Variants in SPAG6 observed in about 807,000 individuals in gnomAD.
SPAG6 encodes sperm-associated antigen 6.
Under a neutral mutation model 58.5 loss-of-function variants are expected in SPAG6, and 49 were observed. The ratio of observed to expected loss-of-function variants is 0.84; its 90% CI spans 0.67 to 1.06. The LOEUF (loss-of-function observed/expected upper bound fraction) is 1.06, where lower values mean the gene tolerates loss of function less well. Among genes scored for constraint, SPAG6 ranks in the 50% least tolerant of loss-of-function variants. The probability of loss-of-function intolerance (pLI) is 0.00; values close to 1 mark genes in which losing one functional copy is unlikely to be tolerated. For missense variants in SPAG6, 560 were observed against 611.3 expected, an observed-to-expected ratio of 0.92 and a Z score of 0.89; for synonymous variants, 233 against 225.6, an observed-to-expected ratio of 1.03 and a Z score of -0.29.
intron 8 of SPAG6, among the ~76,000 whole-genome samples, chr10:22,394,148 T>C (rs1048940571): frequency 1.3e-5 from 2 of 152,242 alleles, no homozygotes; most frequent in Non-Finnish European, 2.9e-5. Context: ...CAAGTTCTTA[T>C]GAAATGTATG....
chr10:22,412,402 T>A (rs1455182748), intron 10 of SPAG6: 1 of 1,081,442 alleles, frequency 9.2e-7, no homozygotes, highest in Non-Finnish European at 1.3e-6. Flanking sequence ...CAAAAGCAAT[T>A]TTAAGATTAA....
At chr10:22,390,906 A>G (rs948653178) in intron 7 of SPAG6, among the ~76,000 whole-genome samples, 10 of 152,342 alleles carry the variant, frequency 6.6e-5, no homozygotes, top group South Asian at 4.1e-4. Flanking sequence ...TAGCATAACC[A>G]TGTGATCTTT....
In SPAG6 at chr10:22,391,747, G is replaced by T; in HGVS notation, c.1024G>T (p.Val342Phe). 7 of 1,613,384 alleles carry T rather than the reference G, an allele frequency of 4.3e-6. No homozygotes were observed. Among genetic ancestry groups the T allele is most frequent in the South Asian group, 1.1e-5 (1 of 91,068 alleles). ...GCTGCAGGGTGTACCCCAGTTGTCA[G>T]TCTGCTTGTCAGAAGAACCGGAAGA... is the stretch of plus-strand genomic sequence containing the variant. ...IISKGVPQLS[V>F]CLSEEPEDHI... Residue 342 changes from valine (V) to phenylalanine (F), a missense_variant, in exon 8 of 11, where the codon GTC (valine) becomes TTC (phenylalanine). Coordinates refer to ENST00000376624, the MANE Select transcript of SPAG6 (RefSeq NM_012443.4).
intron 8 of SPAG6, among the ~76,000 whole-genome samples, chr10:22,396,161 A>G (rs1834287912): frequency 6.6e-6 from 1 of 152,076 alleles, no homozygotes; most frequent in Non-Finnish European, 1.5e-5. Flanking sequence ...TCTCATGAGA[A>G]CTCTGATATA....
chr10:22,396,049 C>A (rs1184137574), intron 8 of SPAG6, among the ~76,000 whole-genome samples: 1 of 152,076 alleles, frequency 6.6e-6, no homozygotes, highest in Non-Finnish European at 1.5e-5. Context: ...ATGAAACTTA[C>A]AATCATGGCA....
At chr10:22,390,792 G>A (rs938310838) in intron 7 of SPAG6, among the ~76,000 whole-genome samples, 1 of 152,106 alleles carries the variant, frequency 6.6e-6, no homozygotes, top group African/African-American at 2.4e-5. Context: ...TAGGAAAGAA[G>A]CCAATGAAGA....
chr10:22,362,260 A>G (rs958084552), intron 2 of SPAG6, among the ~76,000 whole-genome samples: 1 of 149,424 alleles, frequency 6.7e-6, no homozygotes, highest in African/African-American at 2.4e-5. Flanking sequence ...CAAAATAAAA[A>G]GCCCAGAATA....
intron 2 of SPAG6, among the ~76,000 whole-genome samples, chr10:22,359,186 A>C (rs778809953): frequency 1.3e-5 from 2 of 152,206 alleles, no homozygotes; most frequent in Non-Finnish European, 2.9e-5. Context: ...TAATATTGAC[A>C]GTGAAAGGTG....
intron 9 of SPAG6, among the ~76,000 whole-genome samples, chr10:22,402,379 A>G (rs1834436981): frequency 6.6e-6 from 1 of 152,226 alleles, no homozygotes. Flanking sequence ...ATGTTTCTAC[A>G]AATAATGAAC....
intron 8 of SPAG6, among the ~76,000 whole-genome samples, chr10:22,395,888 T>A (rs1834281037): frequency 6.6e-6 from 1 of 152,208 alleles, no homozygotes; most frequent in Non-Finnish European, 1.5e-5. Flanking sequence ...AAAGAATTTT[T>A]AAAAATTTTT....
intron 10 of SPAG6, chr10:22,413,066 C>CAAAAAAAAAAAAAAAAAAAAAA (rs775680159): frequency 9.2e-5 from 4 of 43,312 alleles, no homozygotes; most frequent in African/African-American, 3.5e-4. Flanking sequence ...CAGAAAGATG[C>CAAAAAAAAAAAAAAAAAAAAAA]AAAAAAAAAA....
chr10:22,357,166 C>T (rs922617496), intron 2 of SPAG6, among the ~76,000 whole-genome samples: 5 of 152,104 alleles, frequency 3.3e-5, no homozygotes, highest in African/African-American at 1.2e-4. Context: ...GCAAAGTCTG[C>T]CTGAGAGCCT....
chr10:22,389,394 C>A, intron 7 of SPAG6, 82 bp downstream of exon 7: 1 of 1,399,338 alleles, frequency 7.1e-7, no homozygotes, highest in Non-Finnish European at 9.8e-7. Flanking sequence ...CAACAGAATA[C>A]AAAATATAAC....
chr10:22,352,271 C>A (rs1311914889), intron 2 of SPAG6, among the ~76,000 whole-genome samples: 1 of 151,782 alleles, frequency 6.6e-6, no homozygotes. Flanking sequence ...ATTCTGTGTT[C>A]TATACCTGCG....
chr10:22,401,656 CT>C (rs1482450854), intron 9 of SPAG6, among the ~76,000 whole-genome samples: 1 of 152,204 alleles, frequency 6.6e-6, no homozygotes, highest in African/African-American at 2.4e-5. Flanking sequence ...ACCGAAATAT[CT>C]TTCATGAAGT....
chr10:22,385,011 ACAAAATATT>A (rs1834035709), intron 4 of SPAG6, among the ~76,000 whole-genome samples: 1 of 152,204 alleles, frequency 6.6e-6, no homozygotes. Context: ...ATACATCAAA[ACAAAATATT>A]CAGCCCACTA....
intron 4 of SPAG6, among the ~76,000 whole-genome samples, chr10:22,377,919 T>C (rs751763642): frequency 3.3e-5 from 5 of 152,174 alleles, no homozygotes; most frequent in Admixed American, 6.5e-5. Context: ...CCTTTGAAGT[T>C]TGAATAATAA....
chr10:22,352,163 A>C (rs11012959), intron 2 of SPAG6, among the ~76,000 whole-genome samples: 4,906 of 152,166 alleles, frequency 0.032, 294 homozygotes, highest in African/African-American at 0.11. Context: ...TCCGTCTAAA[A>C]AAAAAAAAGT....
chr10:22,348,120 A>G (rs1836618251), intron 2 of SPAG6, among the ~76,000 whole-genome samples: 1 of 152,114 alleles, frequency 6.6e-6, no homozygotes, highest in African/African-American at 2.4e-5. Flanking sequence ...CCTCCTGAGT[A>G]GCTGAGACTA....
Sources: allele counts gnomAD v4.1 joint callset (sites outside exome capture counted in the v4.1 genomes callset), GRCh38; gene constraint gnomAD v4.1.1; transcripts MANE v1.5; gene names NCBI Gene and HGNC (gene_info 2026-07-23, HGNC 2026-07-21).